The following LDAF1 variants were observed in gnomAD, a reference collection of about 807,000 sequenced individuals.
The protein encoded by LDAF1 is PROMETHIN.
Under a neutral mutation model 13.5 loss-of-function variants are expected in LDAF1, and 7 were observed. The observed-to-expected ratio is 0.52, with a 90% CI of 0.29 to 0.97. The LOEUF is 0.97. Among genes scored for constraint, LDAF1 ranks in the 50% least tolerant of loss-of-function variants. The probability of loss-of-function intolerance (pLI) is 0.07; values close to 1 mark genes in which losing one functional copy is unlikely to be tolerated. For missense variants in LDAF1, 148 were observed against 193.2 expected (o/e 0.77, Z 1.39); for synonymous variants, 69 against 77.1 (o/e 0.89, Z 0.55).
intron 1 of LDAF1, among the ~76,000 whole-genome samples, chr16:21,159,015 T>TACACACAC: frequency 6.9e-6 from 1 of 144,174 alleles, no homozygotes; most frequent in East Asian, 2.1e-4. Flanking sequence ...CACACACACA[T>TACACACAC]ACACACACAC....
At chr16:21,162,310 C>T (rs368411320) in intron 2 of LDAF1, among the ~76,000 whole-genome samples, 6 of 152,166 alleles carry the variant, frequency 3.9e-5, no homozygotes, top group South Asian at 2.1e-4. Flanking sequence ...ACCCCCCGTG[C>T]GCATATTTTA....
intron 3 of LDAF1, among the ~76,000 whole-genome samples, chr16:21,171,716 G>A (rs781335122): frequency 2.0e-5 from 3 of 151,912 alleles, no homozygotes; most frequent in Non-Finnish European, 2.9e-5. Context: ...TAGAATAGTG[G>A]TTCTTGAACC....
intron 4 of LDAF1, among the ~76,000 whole-genome samples, chr16:21,177,619 CTTTT>C (rs1025169859): frequency 8.6e-6 from 1 of 115,876 alleles, no homozygotes. Context: ...TTAGCGAATT[CTTTT>C]TTTTTTTTTT....
At chr16:21,165,749 A>T in intron 2 of LDAF1, 1 of 384,114 alleles carries the variant, frequency 2.6e-6, no homozygotes, top group Non-Finnish European at 3.6e-6. Context: ...TTTTTCCCAG[A>T]TGAAATTTAA....
intron 1 of LDAF1, chr16:21,159,408 C>T (rs2092938354): frequency 1.2e-6 from 2 of 1,614,090 alleles, no homozygotes; most frequent in Non-Finnish European, 1.7e-6. Flanking sequence ...GGAGGGGCGG[C>T]CAGTGTGAGC....
intron 2 of LDAF1, among the ~76,000 whole-genome samples, chr16:21,164,136 G>A (rs1222966144): frequency 6.6e-6 from 1 of 152,216 alleles, no homozygotes; most frequent in African/African-American, 2.4e-5. Context: ...CAGTCTTCAT[G>A]TTCTCAAATA....
intron 1 of LDAF1, chr16:21,160,858 G>A (rs2152841336): frequency 3.5e-6 from 1 of 281,976 alleles, no homozygotes; most frequent in East Asian, 7.5e-5. Flanking sequence ...AAACAGGGAT[G>A]CAATGCACAG....
chr16:21,169,195 A>G, intron 2 of LDAF1: 1 of 984,358 alleles, frequency 1.0e-6, no homozygotes, highest in Non-Finnish European at 1.2e-6. Flanking sequence ...GCGACTCTAG[A>G]CAAGTGACTT....
At chr16:21,172,129 G>A (rs540027311) in intron 3 of LDAF1, among the ~76,000 whole-genome samples, 4 of 150,708 alleles carry the variant, frequency 2.7e-5, no homozygotes, top group Non-Finnish European at 4.4e-5. Context: ...GCAACATAGC[G>A]AGATTCCCTC....
rs746224438 is a variant in LDAF1, at chr16:21,170,568, C to G, written c.228C>G (p.Thr76=). The G allele has an allele frequency of 1.8e-5, 29 of 1,614,178 alleles. 1 individual carries two copies. In the Middle Eastern group the frequency reaches 3.1e-3, roughly 174 times the overall value. The change falls in exon 3 of 5, where the codon ACC becomes ACG. Residue 76 remains threonine, a synonymous_variant. Coordinates refer to ENST00000233047, the MANE Select transcript of LDAF1 (RefSeq NM_001301771.2). ...TCTTCCTGCTCATCGTGGTGCTTAC[C>G]ACCCTGGCTGCTCTGCTGGGGGTCA... ...VGFFLLIVVL[T]TLAALLGVII...
At chr16:21,169,586 G>A (rs2093065753) in intron 2 of LDAF1, among the ~76,000 whole-genome samples, 1 of 152,190 alleles carries the variant, frequency 6.6e-6, no homozygotes, top group African/African-American at 2.4e-5. Flanking sequence ...TGGGATTACA[G>A]ATGTGAGCCA....
rs376403596 is a variant in LDAF1, at chr16:21,163,344, A to G, written c.96+2066A>G. Among the ~76,000 whole-genome samples the G allele has an allele frequency of 2.4e-4, 36 of 152,254 alleles. No homozygotes were observed. The East Asian group carries it at 5.8e-3, about 24-fold the overall frequency. On this transcript the variant is annotated intron_variant, in intron 2 of 4. Coordinates refer to ENST00000233047, the MANE Select transcript of LDAF1 (RefSeq NM_001301771.2). Reference sequence around the variant, plus strand: ...TTTGCTGTTGTGGACGTGTCCACTAATGACCTCAAAAGCACTGCAGGCCAG... The same window carrying G: ...TTTGCTGTTGTGGACGTGTCCACTAGTGACCTCAAAAGCACTGCAGGCCAG...
intron 3 of LDAF1, among the ~76,000 whole-genome samples, chr16:21,171,725 C>T (rs1174483585): frequency 1.3e-5 from 2 of 151,796 alleles, no homozygotes; most frequent in East Asian, 1.9e-4. Context: ...GGTTCTTGAA[C>T]CTGAGTGTAT....
At chr16:21,167,163 G>A (rs116889250) in intron 2 of LDAF1, among the ~76,000 whole-genome samples, 4 of 152,338 alleles carry the variant, frequency 2.6e-5, no homozygotes, top group Non-Finnish European at 5.9e-5. Context: ...TTGCACTTTA[G>A]TTCCTTCAGC....
rs2092918765 is a variant in LDAF1, at chr16:21,158,675, T to C, written c.-170T>C. Reference sequence around the variant, plus strand: ...TCTCGGGACGCTCTTTCCTTCTTCCTCTTGTTCCTCCTCCTGCCTCTCTTC... The same window carrying C: ...TCTCGGGACGCTCTTTCCTTCTTCCCCTTGTTCCTCCTCCTGCCTCTCTTC... On this transcript the variant is annotated 5_prime_UTR_variant, in exon 1 of 5. Coordinates refer to ENST00000233047, the MANE Select transcript of LDAF1 (RefSeq NM_001301771.2). 1 of 152,816 alleles carries C rather than the reference T, an allele frequency of 6.5e-6. No homozygotes were observed. The highest frequency in any genetic ancestry group is 2.4e-5 in the African/African-American group (1 of 41,418). 9.5% of individuals were successfully genotyped at this position (152,816 alleles called of 1,614,324 possible).
intron 4 of LDAF1, among the ~76,000 whole-genome samples, chr16:21,175,598 G>C: frequency 6.6e-6 from 1 of 152,218 alleles, no homozygotes; most frequent in East Asian, 1.9e-4. Flanking sequence ...GCACAGACCA[G>C]GAAGTAAATG....
intron 1 of LDAF1, chr16:21,160,012 A>T: frequency 4.1e-6 from 4 of 970,602 alleles, no homozygotes; most frequent in Non-Finnish European, 4.9e-6. Context: ...TACAAAAGGG[A>T]AGTAGCAGAG....
intron 4 of LDAF1, 65 bp from the exon 5 acceptor site, chr16:21,179,410 C>T (rs2093164617): frequency 3.1e-6 from 5 of 1,612,696 alleles, no homozygotes; most frequent in Admixed American, 1.7e-5. Context: ...TTCAGCTATG[C>T]ACACTTCCAA....
chr16:21,168,865 TTTATAA>T (rs1034680287), intron 2 of LDAF1, among the ~76,000 whole-genome samples: 1 of 134,932 alleles, frequency 7.4e-6, no homozygotes, highest in African/African-American at 2.8e-5. Flanking sequence ...ATATTTTATA[TTTATAA>T]TTATAATTTA....
Sources: gnomAD v4.1 joint callset for allele counts (sites outside exome capture counted in the v4.1 genomes callset) on GRCh38, gnomAD v4.1.1 for gene constraint, MANE v1.5 for transcripts, NCBI Gene and HGNC (gene_info 2026-07-23, HGNC 2026-07-21) for gene names.